SANBR: variants seen among roughly 807,000 people sequenced by gnomAD.
The protein encoded by SANBR is SANT and BTB domain regulator of CSR, also known as SANT and BTB domain regulator of class switch recombination.
A neutral mutation model predicts 101.8 loss-of-function variants in SANBR; 77 were observed. The observed-to-expected ratio is 0.76, with a 90% CI of 0.63 to 0.91. The LOEUF (loss-of-function observed/expected upper bound fraction) is 0.91, where lower values mean the gene tolerates loss of function less well. SANBR is among the 40% of genes least tolerant of loss of function. SANBR has a pLI of 0.00. For missense variants in SANBR, 875 were observed against 853.0 expected, an observed-to-expected ratio of 1.03 and a Z score of -0.32; for synonymous variants, 279 against 274.7, an observed-to-expected ratio of 1.02 and a Z score of -0.15.
chr2:61,122,012 T>C, intron 21 of SANBR, 114 bp from the exon 22 acceptor site: 1 of 1,374,380 alleles, frequency 7.3e-7, no homozygotes, highest in Non-Finnish European at 9.8e-7. Flanking sequence ...ATTACGGAGC[T>C]GCAAGAAGAT....
intron 8 of SANBR, among the ~76,000 whole-genome samples, chr2:61,087,509 G>A (rs1011144557): frequency 6.6e-6 from 1 of 151,842 alleles, no homozygotes; most frequent in Non-Finnish European, 1.5e-5. Flanking sequence ...GGAGTCTGAG[G>A]TGCCACTGCA....
At position 61,130,546 on chromosome 2, in the gene SANBR, A is replaced by G. The variant is rs1573684007; in HGVS notation, c.2029-3591A>G. Among the ~76,000 whole-genome samples, 4 of 152,316 alleles carry G rather than the reference A, an allele frequency of 2.6e-5. 1 individual carries two copies. Among genetic ancestry groups the G allele is most frequent in the Admixed American group, 2.6e-4 (4 of 15,290 alleles). ...ACGCTAGCACAATCCAGCAACATACAAAAATAATTATACTCTATGACCAAG... is the reference window on the plus strand; with the variant it reads ...ACGCTAGCACAATCCAGCAACATACGAAAATAATTATACTCTATGACCAAG... On this transcript the variant is annotated intron_variant, in intron 20 of 21. Coordinates refer to the SANBR transcript ENST00000295031.
chr2:61,087,046 G>A (rs1003886911), intron 8 of SANBR, among the ~76,000 whole-genome samples: 12 of 152,080 alleles, frequency 7.9e-5, no homozygotes, highest in African/African-American at 1.2e-4. Flanking sequence ...AATAATTAAC[G>A]TTTATTGAAT....
At chr2:61,069,274 T>C (rs1681335295) in intron 2 of SANBR, among the ~76,000 whole-genome samples, 1 of 152,240 alleles carries the variant, frequency 6.6e-6, no homozygotes, top group African/African-American at 2.4e-5. Context: ...GTGAGATACT[T>C]ATATCATCTT....
In SANBR at chr2:61,106,585, G is replaced by A. The variant is rs1212852264; in HGVS notation, c.1534G>A (p.Asp512Asn). Residue 512 changes from aspartate to asparagine, a missense_variant, in exon 14 of 22, where the codon GAT becomes AAT. Asp to Asn is a conservative substitution (Grantham distance 23, BLOSUM62 1). Transcript: ENST00000402291. ...AAGTGATGTTGGGGTTGGCCTCTGTGATGAAAAGGGTATAGAATGTGATGT... is the reference window on the plus strand; with the variant it reads ...AAGTGATGTTGGGGTTGGCCTCTGTAATGAAAAGGGTATAGAATGTGATGT... ...TVSDVGVGLC[D>N]EKGIECDVLL... 1 of 1,599,928 alleles carries A rather than the reference G, an allele frequency of 6.3e-7. No individual in the cohort carries two copies. Among genetic ancestry groups the A allele is most frequent in the Admixed American group, 1.8e-5 (1 of 56,490 alleles).
intron 20 of SANBR, chr2:61,134,107 A>G: frequency 6.2e-7 from 1 of 1,612,322 alleles, no homozygotes; most frequent in South Asian, 1.1e-5. Flanking sequence ...CATCATGCAT[A>G]GGGTAGTGTT....
At chr2:61,084,183 G>A (rs1217125090) in intron 8 of SANBR, among the ~76,000 whole-genome samples, 1 of 151,972 alleles carries the variant, frequency 6.6e-6, no homozygotes, top group Admixed American at 6.6e-5. Flanking sequence ...TGAACTCCTG[G>A]GCTCAAGCAA....
chr2:61,103,303 A>G (rs1177994323), intron 12 of SANBR, among the ~76,000 whole-genome samples: 1 of 151,838 alleles, frequency 6.6e-6, no homozygotes, highest in Non-Finnish European at 1.5e-5. Context: ...ACACCCAGCT[A>G]ATTTTTTTCT....
Position 61,122,935 on chromosome 2 carries a change from A to G in SANBR, c.*773A>G. On this transcript the variant is annotated 3_prime_UTR_variant, in exon 22 of 22. Coordinates refer to ENST00000402291, the MANE Select transcript of SANBR (RefSeq NM_001129993.3). ...GTAAATCATTTCTGTTATATGAGAC[A>G]CCCACTGTACAGTTCTCAGGGCTCT... 1.0e-6 allele frequency: 1 copy of G among 985,382 alleles called. No homozygotes were observed. Among genetic ancestry groups the G allele is most frequent in the Non-Finnish European group, 1.2e-6 (1 of 829,796 alleles). The allele number at this position is 985,382 out of a possible 1,614,324, so 61.0% of individuals were successfully genotyped here.
chr2:61,076,139 G>T (rs1417813082), intron 5 of SANBR, among the ~76,000 whole-genome samples: 1 of 149,762 alleles, frequency 6.7e-6, no homozygotes, highest in African/African-American at 2.4e-5. Flanking sequence ...GACTGCAGGT[G>T]CATGCCACCA....
intron 20 of SANBR, among the ~76,000 whole-genome samples, chr2:61,129,531 C>T (rs1461565418): frequency 6.6e-6 from 1 of 151,586 alleles, no homozygotes; most frequent in Non-Finnish European, 1.5e-5. Context: ...GTAAAGACGA[C>T]ATGCATATTT....
At chr2:61,072,643 C>CA (rs1487739057) in intron 4 of SANBR, among the ~76,000 whole-genome samples, 1 of 150,748 alleles carries the variant, frequency 6.6e-6, no homozygotes, top group Non-Finnish European at 1.5e-5. Flanking sequence ...ATACAATCAC[C>CA]AAAAAAACCC....
At chr2:61,102,134 G>A (rs1453708084) in intron 12 of SANBR, among the ~76,000 whole-genome samples, 2 of 152,002 alleles carry the variant, frequency 1.3e-5, no homozygotes, top group Non-Finnish European at 2.9e-5. Flanking sequence ...AGCACTTTGG[G>A]AGGCCGAGGC....
At chr2:61,092,030 A>G (rs965256160) in intron 10 of SANBR, among the ~76,000 whole-genome samples, 3 of 152,244 alleles carry the variant, frequency 2.0e-5, no homozygotes. Flanking sequence ...ACCAGTAACT[A>G]ATAACAACTT....
At position 61,106,560 on chromosome 2, in the gene SANBR, A is replaced by G. The variant is rs1417745609; in HGVS notation, c.1512-3A>G. The G allele has an allele frequency of 1.3e-6, 2 of 1,572,430 alleles. No individual in the cohort carries two copies. The highest frequency in any genetic ancestry group is 1.7e-6 in the Non-Finnish European group (2 of 1,157,992). On this transcript the variant is annotated splice_region_variant and splice_polypyrimidine_tract_variant and intron_variant, in intron 13 of 21. Coordinates refer to ENST00000402291, the MANE Select transcript of SANBR (RefSeq NM_001129993.3). ...CTCCGTAAAAATGTCTTTTTCTTTC[A>G]AGTGATGTTGGGGTTGGCCTCTGTG... is the stretch of plus-strand genomic sequence containing the variant.
At chr2:61,094,422 T>TA (rs1682927060) in intron 11 of SANBR, among the ~76,000 whole-genome samples, 1 of 152,196 alleles carries the variant, frequency 6.6e-6, no homozygotes, top group African/African-American at 2.4e-5. Flanking sequence ...ATAATGGATG[T>TA]AAAATCTATC....
At chr2:61,130,890 A>G (rs1466498730) in intron 20 of SANBR, among the ~76,000 whole-genome samples, 1 of 125,654 alleles carries the variant, frequency 8.0e-6, no homozygotes, top group Non-Finnish European at 1.6e-5. Flanking sequence ...AGATCACACC[A>G]TTGCACTCCA....
chr2:61,072,821 CTTTTT>C (rs70959893), intron 4 of SANBR, among the ~76,000 whole-genome samples: 782 of 31,602 alleles, frequency 0.025, no homozygotes, highest in Non-Finnish European at 0.032. Flanking sequence ...TCTCATGTTA[CTTTTT>C]TTTTTTTTTT....
intron 6 of SANBR, among the ~76,000 whole-genome samples, chr2:61,080,912 C>G (rs556662834): frequency 6.6e-6 from 1 of 152,258 alleles, no homozygotes; most frequent in East Asian, 1.9e-4. Context: ...GTTTGCTAAA[C>G]TACAGCATCA....
Sources: gnomAD v4.1 joint callset for allele counts (sites outside exome capture counted in the v4.1 genomes callset) on GRCh38, gnomAD v4.1.1 for gene constraint, MANE v1.5 for transcripts, NCBI Gene and HGNC (gene_info 2026-07-23, HGNC 2026-07-21) for gene names.